Variants in ANGPT1 observed in about 807,000 individuals in gnomAD.
ANGPT1 encodes angiopoietin 1, also known as angiopoietin-1.
In ANGPT1, 17 loss-of-function variants were observed where a neutral mutation model predicts 62.2. The ratio of observed to expected loss-of-function variants is 0.27; its 90% CI spans 0.19 to 0.41. The LOEUF (loss-of-function observed/expected upper bound fraction) is 0.41, where lower values mean the gene tolerates loss of function less well. Ranked by LOEUF, ANGPT1 falls within the 10% of genes least tolerant of loss-of-function variation. The probability of loss-of-function intolerance (pLI) is 1.00; values close to 1 mark genes in which losing one functional copy is unlikely to be tolerated. For synonymous variants in ANGPT1, 199 were observed against 198.9 expected (o/e 1.00, Z 0.00); for missense variants, 478 against 594.9 (o/e 0.80, Z 2.04).
intron 5 of ANGPT1, among the ~76,000 whole-genome samples, chr8:107,301,212 C>T (rs985523922): frequency 2.0e-5 from 3 of 151,842 alleles, no homozygotes; most frequent in East Asian, 1.9e-4. Context: ...AATTATTTTT[C>T]GATTCATTTA....
intron 1 of ANGPT1, among the ~76,000 whole-genome samples, chr8:107,375,424 T>C (rs1407158527): frequency 2.0e-5 from 3 of 152,132 alleles, no homozygotes; most frequent in Non-Finnish European, 4.4e-5. Context: ...AATTCTACAT[T>C]ATTATTAATT....
At chr8:107,463,289 G>A (rs62514471) in intron 1 of ANGPT1, among the ~76,000 whole-genome samples, 7,985 of 152,056 alleles carry the variant, frequency 0.053, 239 homozygotes, top group South Asian at 0.11. Context: ...AACATTCAGA[G>A]GAGGCCTCCA....
chr8:107,470,569 C>G (rs1220489690), intron 1 of ANGPT1, among the ~76,000 whole-genome samples: 1 of 152,088 alleles, frequency 6.6e-6, no homozygotes, highest in East Asian at 1.9e-4. Context: ...ACTTTTCTCC[C>G]ATTCAGTAGG....
At chr8:107,449,786 C>T (rs572568325) in intron 1 of ANGPT1, among the ~76,000 whole-genome samples, 23 of 152,086 alleles carry the variant, frequency 1.5e-4, no homozygotes, top group African/African-American at 4.3e-4. Flanking sequence ...ATTCTTTATA[C>T]GTATTAACTC....
intron 1 of ANGPT1, among the ~76,000 whole-genome samples, chr8:107,485,636 G>A (rs1235972874): frequency 1.3e-5 from 2 of 152,180 alleles, no homozygotes; most frequent in Non-Finnish European, 2.9e-5. Context: ...AATAGGAAGT[G>A]AGATAAGAGG....
intron 1 of ANGPT1, among the ~76,000 whole-genome samples, chr8:107,429,420 G>A (rs1811120847): frequency 6.6e-6 from 1 of 152,152 alleles, no homozygotes; most frequent in South Asian, 2.1e-4. Flanking sequence ...AAACCCCCTT[G>A]AAGCCGAAGT....
chr8:107,309,610 G>C (rs1033471637), intron 4 of ANGPT1, among the ~76,000 whole-genome samples: 11 of 152,114 alleles, frequency 7.2e-5, no homozygotes, highest in Admixed American at 2.0e-4. Flanking sequence ...TTTATGGGTA[G>C]GTATAGGGGT....
At chr8:107,380,969 G>A (rs1816625575) in intron 1 of ANGPT1, among the ~76,000 whole-genome samples, 1 of 152,186 alleles carries the variant, frequency 6.6e-6, no homozygotes, top group African/African-American at 2.4e-5. Flanking sequence ...AAGCTTGTTG[G>A]GTACTCCAGA....
intron 1 of ANGPT1, among the ~76,000 whole-genome samples, chr8:107,466,872 A>G (rs1812213907): frequency 6.6e-6 from 1 of 152,076 alleles, no homozygotes; most frequent in South Asian, 2.1e-4. Flanking sequence ...CAACTATGCC[A>G]TTGCACTCCA....
chr8:107,337,173 G>A (rs572317654), intron 2 of ANGPT1, among the ~76,000 whole-genome samples: 1 of 152,292 alleles, frequency 6.6e-6, no homozygotes, highest in African/African-American at 2.4e-5. Flanking sequence ...GGAACCAAGG[G>A]AAGAGTGGGG....
At chr8:107,370,721 AAGAG>A (rs1397800343) in intron 1 of ANGPT1, among the ~76,000 whole-genome samples, 15 of 128,740 alleles carry the variant, frequency 1.2e-4, no homozygotes, top group South Asian at 7.8e-4. Flanking sequence ...AAAAAAAAAA[AAGAG>A]GAAGAAGAAA....
intron 1 of ANGPT1, among the ~76,000 whole-genome samples, chr8:107,456,907 G>A (rs1811934063): frequency 6.6e-6 from 1 of 151,990 alleles, no homozygotes; most frequent in Admixed American, 6.6e-5. Flanking sequence ...GAACCAAAAA[G>A]TTCCTGTCCT....
intron 7 of ANGPT1, among the ~76,000 whole-genome samples, chr8:107,275,598 C>T (rs1813845849): frequency 6.6e-6 from 1 of 152,164 alleles, no homozygotes; most frequent in Admixed American, 6.5e-5. Context: ...AACCATCCGA[C>T]CCCACTCCAT....
intron 4 of ANGPT1, among the ~76,000 whole-genome samples, chr8:107,313,127 A>T (rs1432522953): frequency 6.8e-6 from 1 of 147,212 alleles, no homozygotes; most frequent in Non-Finnish European, 1.5e-5. Flanking sequence ...CACACCTAAA[A>T]ATAATTAAGA....
chr8:107,369,083 T>C (rs1816329181), intron 1 of ANGPT1, among the ~76,000 whole-genome samples: 1 of 152,192 alleles, frequency 6.6e-6, no homozygotes, highest in African/African-American at 2.4e-5. Context: ...CAATATAAAG[T>C]TGTTTCACCT....
chr8:107,427,686 T>C (rs1444102781), intron 1 of ANGPT1, among the ~76,000 whole-genome samples: 5 of 152,220 alleles, frequency 3.3e-5, no homozygotes, highest in African/African-American at 9.6e-5. Flanking sequence ...CTTCCTCCTC[T>C]AGGTTTGAAG....
chr8:107,386,725 G>T (rs1816738404), intron 1 of ANGPT1, among the ~76,000 whole-genome samples: 1 of 152,028 alleles, frequency 6.6e-6, no homozygotes, highest in African/African-American at 2.4e-5. Context: ...AATACATATA[G>T]AGCATTCATT....
intron 1 of ANGPT1, among the ~76,000 whole-genome samples, chr8:107,495,426 C>T (rs1287239250): frequency 6.6e-6 from 1 of 152,124 alleles, no homozygotes; most frequent in Non-Finnish European, 1.5e-5. Context: ...AATAAATTAA[C>T]ATATGAAACA....
intron 5 of ANGPT1, among the ~76,000 whole-genome samples, chr8:107,299,422 A>ATATACAT (rs1281291162): frequency 8.6e-6 from 1 of 116,148 alleles, no homozygotes; most frequent in Non-Finnish European, 1.8e-5. Context: ...TATATATATA[A>ATATACAT]ACATACATAT....
Sources: gnomAD v4.1 joint callset for allele counts (sites outside exome capture counted in the v4.1 genomes callset) on GRCh38, gnomAD v4.1.1 for gene constraint, MANE v1.5 for transcripts, NCBI Gene and HGNC (gene_info 2026-07-23, HGNC 2026-07-21) for gene names.